PCDHA6: variants seen among roughly 807,000 people sequenced by gnomAD.
The protein encoded by PCDHA6 is protocadherin alpha-6.
Under a neutral mutation model 60.3 loss-of-function variants are expected in PCDHA6, and 55 were observed. That is an observed-to-expected ratio of 0.91 (90% confidence interval 0.73 to 1.14). The LOEUF (loss-of-function observed/expected upper bound fraction) is 1.14. Ranked by LOEUF, PCDHA6 falls within the 50% of genes most tolerant of loss-of-function variation. The probability of loss-of-function intolerance (pLI) is 0.00; values close to 1 mark genes in which losing one functional copy is unlikely to be tolerated. For missense variants in PCDHA6, 1,327 were observed against 1,256.5 expected, an observed-to-expected ratio of 1.06 and a Z score of -0.85; for synonymous variants, 652 against 557.9, an observed-to-expected ratio of 1.17 and a Z score of -2.38.
chr5:141,002,437 T>C (rs1238744621), intron 3 of PCDHA6, among the ~76,000 whole-genome samples: 1 of 152,186 alleles, frequency 6.6e-6, no homozygotes, highest in Non-Finnish European at 1.5e-5. Context: ...GCAATAACCA[T>C]AATAATTGGC....
chr5:140,836,501 G>A (rs1554136017), intron 1 of PCDHA6: 4 of 1,613,866 alleles, frequency 2.5e-6, no homozygotes, highest in Admixed American at 1.7e-5. Flanking sequence ...CCATCTGCGC[G>A]GTGTCCAGTC....
At position 141,010,632 on chromosome 5, in the gene PCDHA6, A is replaced by G. The variant is rs782191972; in HGVS notation, c.*695A>G. The G allele has an allele frequency of 1.6e-5, 3 of 185,902 alleles. No individual in the cohort carries two copies. Among genetic ancestry groups the G allele is most frequent in the Non-Finnish European group, 3.4e-5 (3 of 88,214 alleles). The allele number at this position is 185,902 out of a possible 1,614,324, so 11.5% of individuals were successfully genotyped here. On this transcript the variant is annotated 3_prime_UTR_variant, in exon 4 of 4. Coordinates refer to ENST00000529310, the MANE Select transcript of PCDHA6 (RefSeq NM_018909.4). ...ACCTAAAATCTGCATCATACCTGCAAGCCAACAGTTCAGTGTTTTAACAGA... is the reference window on the plus strand; with the variant it reads ...ACCTAAAATCTGCATCATACCTGCAGGCCAACAGTTCAGTGTTTTAACAGA...
At chr5:140,848,454 G>A in intron 1 of PCDHA6, 1 of 1,522,350 alleles carries the variant, frequency 6.6e-7, no homozygotes, top group South Asian at 1.2e-5. Context: ...CTTCTAATTT[G>A]GAGGCAATTT....
chr5:140,937,089 G>A (rs2091320544), intron 1 of PCDHA6, among the ~76,000 whole-genome samples: 1 of 149,070 alleles, frequency 6.7e-6, no homozygotes, highest in African/African-American at 2.5e-5. Context: ...CCAGGCTGGA[G>A]TGCAGTGGCG....
intron 1 of PCDHA6, chr5:140,930,518 T>G (rs782236970): frequency 3.3e-5 from 5 of 152,592 alleles, no homozygotes; most frequent in Non-Finnish European, 5.9e-5. Flanking sequence ...CCACTGCAGC[T>G]GGCCCTCAAA....
At chr5:140,946,237 A>C (rs540442862) in intron 1 of PCDHA6, among the ~76,000 whole-genome samples, 8 of 152,268 alleles carry the variant, frequency 5.3e-5, no homozygotes, top group African/African-American at 1.9e-4. Context: ...AAAAATGCTC[A>C]ACATCATGAA....
At position 140,829,605 on chromosome 5, in the gene PCDHA6, C is replaced by G. The variant is rs2150171072; in HGVS notation, c.1514C>G (p.Ser505Trp). ...VERRVGERAL[S>W]SYISVHAESG... ...CGGCGGGTGGGCGAGCGCGCGTTGT[C>G]GAGCTACATTTCGGTGCACGCGGAG... Residue 505 changes from serine to tryptophan, a missense_variant, in exon 1 of 4, where the codon TCG becomes TGG. Physicochemically the swap from Ser to Trp is radical, Grantham distance 177. Coordinates refer to ENST00000529310, the MANE Select transcript of PCDHA6 (RefSeq NM_018909.4). 9.9e-6 allele frequency: 16 copies of G among 1,611,986 alleles called. No individual in the cohort carries two copies. The highest frequency in any genetic ancestry group is 1.2e-5 in the Non-Finnish European group (14 of 1,179,792).
intron 1 of PCDHA6, among the ~76,000 whole-genome samples, chr5:140,917,832 C>T (rs1554198323): frequency 1.3e-5 from 2 of 151,488 alleles, no homozygotes; most frequent in Admixed American, 6.6e-5. Context: ...AGTGTGATGT[C>T]CTTCTTGTTC....
intron 1 of PCDHA6, chr5:140,867,880 G>T (rs1562611394): frequency 6.6e-6 from 1 of 151,984 alleles, no homozygotes; most frequent in Non-Finnish European, 1.5e-5. Flanking sequence ...TATGTTTTAA[G>T]CACAATATCA....
rs182904804 is a variant in PCDHA6 at position 140,841,857 on chromosome 5, T to A, written c.2394+11372T>A. 6.2e-6 allele frequency: 10 copies of A among 1,613,860 alleles called. 1 individual carries two copies. In the Admixed American group the frequency reaches 1.0e-4, roughly 16 times the overall value. ...AGGCTTAGCTCTCATGATTACTTCA[T>A]GCTAGATGTGAATTCAAAGAACGAT... On this transcript the variant is annotated intron_variant, in intron 1 of 3. Transcript: ENST00000529310.
At chr5:140,883,614 A>G (rs2059700095) in intron 1 of PCDHA6, 1 of 1,613,816 alleles carries the variant, frequency 6.2e-7, no homozygotes, top group South Asian at 1.1e-5. Context: ...GCCGACGTGA[A>G]CGACAACGCG....
intron 1 of PCDHA6, chr5:140,883,017 C>G: frequency 6.2e-7 from 1 of 1,614,054 alleles, no homozygotes. Context: ...TATAAAGTGA[C>G]GGTGTTAGAG....
intron 1 of PCDHA6, among the ~76,000 whole-genome samples, chr5:140,945,500 T>A (rs2093799104): frequency 6.6e-6 from 1 of 152,046 alleles, no homozygotes; most frequent in South Asian, 2.1e-4. Flanking sequence ...CAAAGCAATA[T>A]TGAGCAAAGT....
intron 1 of PCDHA6, chr5:140,858,580 A>G (rs1374882572): frequency 8.9e-6 from 12 of 1,352,620 alleles, no homozygotes; most frequent in Middle Eastern, 2.1e-4. Context: ...CCTTTGTAAT[A>G]TAATTTATTC....
rs1417954039 is a variant in PCDHA6, at chr5:140,828,944, G to A, written c.853G>A (p.Val285Ile). The A allele has an allele frequency of 3.7e-6, 6 of 1,614,124 alleles. No homozygotes were observed. In the African/African-American group the frequency reaches 4.0e-5, roughly 11 times the overall value. The change falls in exon 1 of 4, where the codon GTT (valine) becomes ATT (isoleucine). Residue 285 changes from valine to isoleucine, a missense_variant. Transcript: ENST00000529310. ...GAISYSFNSLVAAMVIDHFSI... is the reference protein window; with the variant it reads ...GAISYSFNSLIAAMVIDHFSI... ...AATTTCATATTCTTTTAATAGCCTT[G>A]TTGCAGCCATGGTTATTGACCACTT...
rs782754440 is a variant in PCDHA6, at chr5:140,869,396, A to G, written c.2394+38911A>G. 3.2e-5 allele frequency: 51 copies of G among 1,614,230 alleles called. No homozygotes were observed. The highest frequency in any genetic ancestry group is 1.6e-4 in the Middle Eastern group (1 of 6,062). On this transcript the variant is annotated intron_variant, in intron 1 of 3. Transcript: ENST00000529310. ...ATCGACCGCGAGGAGCTGTGCGGGC[A>G]GAGCGCGGAGTGCAGCATCCACCTG...
intron 1 of PCDHA6, chr5:140,881,246 G>A (rs1006093115): frequency 4.8e-6 from 2 of 415,054 alleles, no homozygotes; most frequent in Non-Finnish European, 6.5e-6. Flanking sequence ...TTAAATGACG[G>A]CAAGGTTTTA....
At chr5:140,953,514 AC>A (rs1209488542) in intron 1 of PCDHA6, among the ~76,000 whole-genome samples, 2 of 152,136 alleles carry the variant, frequency 1.3e-5, no homozygotes, top group Non-Finnish European at 2.9e-5. Flanking sequence ...GGCCAAAGCA[AC>A]AAAAACGGGA....
intron 1 of PCDHA6, chr5:140,968,964 G>A (rs782792392): frequency 7.4e-6 from 12 of 1,614,136 alleles, no homozygotes; most frequent in East Asian, 4.5e-5. Context: ...AAGTGCTACC[G>A]CTACACTGCG....
Sources: gnomAD v4.1 joint callset for allele counts (sites outside exome capture counted in the v4.1 genomes callset) on GRCh38, gnomAD v4.1.1 for gene constraint, MANE v1.5 for transcripts, NCBI Gene and HGNC (gene_info 2026-07-23, HGNC 2026-07-21) for gene names.